ARHGEF38: variants seen among roughly 807,000 people sequenced by gnomAD.
ARHGEF38 encodes Rho guanine nucleotide exchange factor (GEF) 38.
In ARHGEF38, 79 loss-of-function variants were observed where a neutral mutation model predicts 79.9. The ratio of observed to expected loss-of-function variants is 0.99; its 90% CI spans 0.82 to 1.19. ARHGEF38 has a LOEUF of 1.19. ARHGEF38 is among the 50% of genes most tolerant of loss of function. The pLI, the probability that ARHGEF38 is intolerant of heterozygous loss-of-function variation, is 0.00. For synonymous variants in ARHGEF38, 366 were observed against 328.3 expected, an observed-to-expected ratio of 1.11 and a Z score of -1.24; for missense variants, 962 against 907.2, an observed-to-expected ratio of 1.06 and a Z score of -0.78.
intron 3 of ARHGEF38, among the ~76,000 whole-genome samples, chr4:105,629,114 C>A (rs1167366444): frequency 1.3e-5 from 2 of 152,112 alleles, no homozygotes; most frequent in Non-Finnish European, 2.9e-5. Flanking sequence ...ACGACTAGTA[C>A]CCTAAAAGCT....
intron 2 of ARHGEF38, among the ~76,000 whole-genome samples, chr4:105,613,115 T>A (rs1275390275): frequency 6.6e-6 from 1 of 152,160 alleles, no homozygotes; most frequent in Non-Finnish European, 1.5e-5. Context: ...TAGGCCCAAA[T>A]CTTCCCATTC....
Position 105,589,335 on chromosome 4 carries a change from G to T in ARHGEF38, c.284G>T (p.Arg95Leu). The stretch of plus-strand genomic sequence containing the variant: ...CATATGAAGAGGATGATGGCAAAGC[G>T]GGAAAAGATCATTAAGGAGCTGATA... ...EHHMKRMMAK[R>L]EKIIKELIQT... Residue 95 changes from arginine (R) to leucine (L), a missense_variant, in exon 2 of 14, where the codon CGG becomes CTG. By Grantham distance (102) the Arg-to-Leu change is moderately radical. Coordinates refer to ENST00000420470, the MANE Select transcript of ARHGEF38 (RefSeq NM_001242729.2). The T allele has an allele frequency of 6.2e-7, 1 of 1,614,068 alleles. No individual in the cohort carries two copies. Among genetic ancestry groups the T allele is most frequent in the South Asian group, 1.1e-5 (1 of 91,082 alleles).
chr4:105,657,044 AGATAGAT>A (rs1365104796), intron 9 of ARHGEF38, among the ~76,000 whole-genome samples: 5 of 151,990 alleles, frequency 3.3e-5, no homozygotes, highest in African/African-American at 1.2e-4. Context: ...ATAGATAGAT[AGATAGAT>A]GATAGATAGA....
chr4:105,645,061 G>T (rs1729778256), intron 5 of ARHGEF38, 127 bp from the exon 6 acceptor site: 1 of 810,894 alleles, frequency 1.2e-6, no homozygotes. Context: ...CTTTTATTTA[G>T]AAATTTTAGA....
Position 105,645,217 on chromosome 4 carries a change from CT to C in ARHGEF38, c.707del (p.Leu236Ter). On this transcript the variant is annotated frameshift_variant, in exon 6 of 14. Transcript: ENST00000420470. LOFTEE classifies it high-confidence loss of function. ...EGKPNLLDMG[S>X]LMIKPIQRVM... ...AAACCAAACTTATTGGACATGGGCTCTTTGATGATCAAACCAATTCAACGTG... is the reference window on the plus strand; with the variant it reads ...AAACCAAACTTATTGGACATGGGCTCTTGATGATCAAACCAATTCAACGTG... 6.5e-7 allele frequency: 1 copy of C among 1,530,258 alleles called. No homozygotes were observed. The highest frequency in any genetic ancestry group is 1.2e-5 in the South Asian group (1 of 82,228). The allele number at this position is 1,530,258 out of a possible 1,614,324, so 94.8% of individuals were successfully genotyped here.
rs574297003 is a variant in ARHGEF38, at chr4:105,580,165, A to T, written c.197-9083A>T. 3.3e-5 allele frequency among the ~76,000 whole-genome samples: 5 copies of T among 152,288 alleles called. No individual in the cohort carries two copies. In the South Asian group the frequency reaches 6.2e-4, roughly 19 times the overall value. On this transcript the variant is annotated intron_variant, in intron 1 of 13. Coordinates refer to ENST00000420470, the MANE Select transcript of ARHGEF38 (RefSeq NM_001242729.2). ...CTATCTTATTAATTTTTTCAAAAAA[A>T]CTAGATCTTGGATTCATTGATCTTT...
Position 105,678,968 on chromosome 4 carries a change from AATG to A in ARHGEF38, c.*1036_*1038del, listed in dbSNP as rs1306372808. 2.5e-5 allele frequency: 6 copies of A among 237,544 alleles called. No homozygotes were observed. Among genetic ancestry groups the A allele is most frequent in the East Asian group, 2.2e-4 (2 of 9,230 alleles). The allele number at this position is 237,544 out of a possible 1,614,324, so 14.7% of individuals were successfully genotyped here. ...GCAAATAGTAGACACATACCTCAACAATGATGACCTAATTTTTGATCCATAATG... is the reference window on the plus strand; with the variant it reads ...GCAAATAGTAGACACATACCTCAACAATGACCTAATTTTTGATCCATAATG... On this transcript the variant is annotated 3_prime_UTR_variant, in exon 14 of 14. Transcript: ENST00000420470.
At chr4:105,653,328 T>A (rs1019265763) in intron 7 of ARHGEF38, among the ~76,000 whole-genome samples, 1 of 151,320 alleles carries the variant, frequency 6.6e-6, no homozygotes, top group African/African-American at 2.4e-5. Flanking sequence ...ACATTTCTTT[T>A]TTTTTTTTTT....
intron 2 of ARHGEF38, among the ~76,000 whole-genome samples, chr4:105,595,550 T>C (rs1174773827): frequency 6.6e-6 from 1 of 152,202 alleles, no homozygotes; most frequent in Non-Finnish European, 1.5e-5. Context: ...TTATTGTTTA[T>C]ACAAACATAC....
At chr4:105,674,329 A>T (rs574763833) in intron 13 of ARHGEF38, among the ~76,000 whole-genome samples, 4 of 152,316 alleles carry the variant, frequency 2.6e-5, no homozygotes, top group African/African-American at 9.6e-5. Context: ...AATACATTTT[A>T]AAAAGTGCCA....
Position 105,679,563 on chromosome 4 carries a change from GC to G in ARHGEF38, c.*1630del. 2 of 1,040,446 alleles carry G rather than the reference GC, an allele frequency of 1.9e-6. No homozygotes were observed. The allele number at this position is 1,040,446 out of a possible 1,614,324, so 64.5% of individuals were successfully genotyped here. On this transcript the variant is annotated 3_prime_UTR_variant, in exon 14 of 14. Coordinates refer to ENST00000420470, the MANE Select transcript of ARHGEF38 (RefSeq NM_001242729.2). ...TAAAGCTGCAGCCAATGCATCTATC[GC>G]CCCTTTCTCTTCTATCAGTATCTGA... is the stretch of plus-strand genomic sequence containing the variant.
At chr4:105,626,966 C>T (rs919218034) in intron 3 of ARHGEF38, among the ~76,000 whole-genome samples, 17 of 151,978 alleles carry the variant, frequency 1.1e-4, no homozygotes, top group South Asian at 6.3e-4. Context: ...CTCAGAGGTC[C>T]TATGTCAAAA....
rs74420928 is a variant in ARHGEF38, at chr4:105,562,242, C to T, written c.196+9281C>T. Among the ~76,000 whole-genome samples the T allele has an allele frequency of 3.1e-3, 475 of 152,274 alleles. 8 individuals carry two copies. In the East Asian group the frequency reaches 0.052, roughly 17 times the overall value. ...AGTGGCTTTCATACCATCTATTACTCTATGAAATTATACTACTTCATTCTA... is the reference window on the plus strand; with the variant it reads ...AGTGGCTTTCATACCATCTATTACTTTATGAAATTATACTACTTCATTCTA... On this transcript the variant is annotated intron_variant, in intron 1 of 13. Coordinates refer to ENST00000420470, the MANE Select transcript of ARHGEF38 (RefSeq NM_001242729.2).
intron 1 of ARHGEF38, among the ~76,000 whole-genome samples, chr4:105,568,395 C>G (rs1726046386): frequency 6.6e-6 from 1 of 151,538 alleles, no homozygotes; most frequent in African/African-American, 2.4e-5. Flanking sequence ...GTTGGTGGGA[C>G]TGTAAACTAG....
intron 5 of ARHGEF38, among the ~76,000 whole-genome samples, chr4:105,644,572 A>G (rs186149111): frequency 2.1e-4 from 32 of 152,372 alleles, no homozygotes; most frequent in Non-Finnish European, 4.7e-4. Flanking sequence ...TTGTTGACTA[A>G]GAATTCCACA....
chr4:105,581,352 C>T (rs114429638), intron 1 of ARHGEF38, among the ~76,000 whole-genome samples: 1 of 152,080 alleles, frequency 6.6e-6, no homozygotes, highest in South Asian at 2.1e-4. Context: ...AAGCTCCCAG[C>T]TTTGAGCACT....
intron 1 of ARHGEF38, among the ~76,000 whole-genome samples, chr4:105,584,877 C>T (rs1052685277): frequency 6.6e-6 from 1 of 152,116 alleles, no homozygotes; most frequent in East Asian, 1.9e-4. Context: ...CAGTCCTCCC[C>T]CAACACCCCT....
chr4:105,605,426 T>G (rs184643260), intron 2 of ARHGEF38, among the ~76,000 whole-genome samples: 2 of 152,230 alleles, frequency 1.3e-5, no homozygotes, highest in African/African-American at 4.8e-5. Context: ...GTTCCAGAAC[T>G]CCCACTCCCC....
intron 1 of ARHGEF38, among the ~76,000 whole-genome samples, chr4:105,555,341 G>A (rs750095723): frequency 2.2e-4 from 33 of 152,194 alleles, no homozygotes; most frequent in South Asian, 4.2e-4. Flanking sequence ...TCTGATTATC[G>A]AACGCCTAAT....
Sources: allele counts gnomAD v4.1 joint callset (sites outside exome capture counted in the v4.1 genomes callset), GRCh38; gene constraint gnomAD v4.1.1; transcripts MANE v1.5; gene names NCBI Gene and HGNC (gene_info 2026-07-23, HGNC 2026-07-21).